The following KLF12 variants were observed in gnomAD, a reference collection of about 807,000 sequenced individuals.
The protein encoded by KLF12 is KLF transcription factor 12.
A neutral mutation model predicts 37.8 loss-of-function variants in KLF12; 9 were observed. The observed-to-expected ratio is 0.24, with a 90% CI of 0.14 to 0.42. KLF12 has a LOEUF of 0.42. Among genes scored for constraint, KLF12 ranks in the 10% least tolerant of loss-of-function variants. The probability of loss-of-function intolerance (pLI) is 1.00; values close to 1 mark genes in which losing one functional copy is unlikely to be tolerated. For missense variants in KLF12, 411 were observed against 516.0 expected (o/e 0.80, Z 1.97); for synonymous variants, 208 against 202.1 (o/e 1.03, Z -0.25).
intron 2 of KLF12, among the ~76,000 whole-genome samples, chr13:73,988,199 T>C (rs1403514309): frequency 6.6e-6 from 1 of 152,238 alleles, no homozygotes; most frequent in Non-Finnish European, 1.5e-5. Context: ...CCCTTTTGCA[T>C]TTGCTAAGAA....
the KLF12 span, among the ~76,000 whole-genome samples, chr13:74,168,825 G>T: frequency 6.6e-6 from 1 of 152,208 alleles, no homozygotes; most frequent in African/African-American, 2.4e-5. Flanking sequence ...AAGATACTTA[G>T]AAGATAATCG....
intron 1 of KLF12, among the ~76,000 whole-genome samples, chr13:74,059,441 C>T (rs7317579): frequency 0.017 from 2,570 of 152,306 alleles, 72 homozygotes; most frequent in African/African-American, 0.058. Context: ...ACACCAACAA[C>T]TGTTGTTTCT....
At chr13:73,951,878 CAG>C (rs928881311) in intron 2 of KLF12, among the ~76,000 whole-genome samples, 2 of 152,322 alleles carry the variant, frequency 1.3e-5, no homozygotes, top group Non-Finnish European at 2.9e-5. Flanking sequence ...TCCAGGAGGA[CAG>C]AGAGTTCTCT....
the KLF12 span, among the ~76,000 whole-genome samples, chr13:74,305,778 C>T: frequency 6.6e-6 from 1 of 151,920 alleles, no homozygotes; most frequent in Non-Finnish European, 1.5e-5. Flanking sequence ...TGATAAATTG[C>T]TGGGGAGTAA....
chr13:73,888,870 G>T (rs1447559423), intron 3 of KLF12, among the ~76,000 whole-genome samples: 1 of 152,136 alleles, frequency 6.6e-6, no homozygotes, highest in Non-Finnish European at 1.5e-5. Flanking sequence ...AGGCTCCACT[G>T]CATTTGGGAA....
the KLF12 span, among the ~76,000 whole-genome samples, chr13:74,193,536 C>A: frequency 3.9e-5 from 6 of 152,154 alleles, no homozygotes; most frequent in African/African-American, 1.4e-4. Flanking sequence ...CTGGTTACTG[C>A]CAAAGTTACT....
chr13:74,001,106 A>T (rs1261701438), intron 1 of KLF12, among the ~76,000 whole-genome samples: 4 of 152,234 alleles, frequency 2.6e-5, no homozygotes, highest in African/African-American at 9.6e-5. Context: ...GCATTCTGCC[A>T]AAAGTAACTT....
At chr13:74,163,766 A>T in the KLF12 span, among the ~76,000 whole-genome samples, 1 of 152,106 alleles carries the variant, frequency 6.6e-6, no homozygotes, top group Non-Finnish European at 1.5e-5. Context: ...ACTTGAGGGG[A>T]TGTGGATACC....
intron 3 of KLF12, among the ~76,000 whole-genome samples, chr13:73,917,878 T>C (rs1258541143): frequency 6.6e-6 from 1 of 152,014 alleles, no homozygotes; most frequent in Non-Finnish European, 1.5e-5. Context: ...AAGTAAAAAA[T>C]TCTAAACAAA....
chr13:74,180,696 G>A, the KLF12 span, among the ~76,000 whole-genome samples: 1 of 152,242 alleles, frequency 6.6e-6, no homozygotes, highest in East Asian at 1.9e-4. Flanking sequence ...ATTGAGAATG[G>A]GTATTGCTGT....
In KLF12 at chr13:73,967,585, CAT is replaced by C. The variant is rs369079219; in HGVS notation, c.34-23517_34-23516del. Among the ~76,000 whole-genome samples, 857 of 152,266 alleles carry C rather than the reference CAT, an allele frequency of 5.6e-3. 7 individuals are homozygous for C. Among genetic ancestry groups the C allele is most frequent in the East Asian group, 0.032 (165 of 5,174 alleles). ...AAGGTGTATTATTCTTGGTACCAAACATGTGTCATTTTTACAAAACAGTCATC... is the reference window on the plus strand; with the variant it reads ...AAGGTGTATTATTCTTGGTACCAAACGTGTCATTTTTACAAAACAGTCATC... On this transcript the variant is annotated intron_variant, in intron 2 of 7. Transcript: ENST00000377669.
At chr13:73,942,888 CCA>C (rs1165044765) in intron 3 of KLF12, among the ~76,000 whole-genome samples, 3 of 152,128 alleles carry the variant, frequency 2.0e-5, no homozygotes, top group Non-Finnish European at 4.4e-5. Flanking sequence ...TATTGAGATG[CCA>C]CACAGCCTGC....
the KLF12 span, among the ~76,000 whole-genome samples, chr13:74,197,415 T>A: frequency 4.6e-5 from 7 of 151,790 alleles, no homozygotes; most frequent in Admixed American, 4.6e-4. Flanking sequence ...ATTTCAAGAG[T>A]GTGTAAGGAT....
chr13:74,303,528 C>T, the KLF12 span, among the ~76,000 whole-genome samples: 1 of 152,058 alleles, frequency 6.6e-6, no homozygotes, highest in East Asian at 1.9e-4. Flanking sequence ...CGAGCTCAGA[C>T]CATTTCTGTT....
At chr13:73,957,015 AG>A (rs1890859410) in intron 2 of KLF12, among the ~76,000 whole-genome samples, 1 of 87,442 alleles carries the variant, frequency 1.1e-5, no homozygotes, top group Admixed American at 1.4e-4. Context: ...GGAAAGGAAA[AG>A]AAAGGAAAGG....
intron 3 of KLF12, among the ~76,000 whole-genome samples, chr13:73,869,758 G>A (rs1886377153): frequency 6.6e-6 from 1 of 152,070 alleles, no homozygotes; most frequent in Non-Finnish European, 1.5e-5. Context: ...AAATCAGATG[G>A]TCTCTGATCA....
chr13:73,778,925 G>C (rs189599661), intron 5 of KLF12, among the ~76,000 whole-genome samples: 1 of 152,292 alleles, frequency 6.6e-6, no homozygotes, highest in Admixed American at 6.5e-5. Context: ...ATGACAGAAT[G>C]TGTGGCAAAT....
intron 3 of KLF12, among the ~76,000 whole-genome samples, chr13:73,867,405 C>CAT (rs1555317142): frequency 6.7e-6 from 1 of 150,206 alleles, no homozygotes; most frequent in Admixed American, 6.6e-5. Flanking sequence ...TACATATATA[C>CAT]GTGTGTGTGT....
chr13:73,879,684 G>A (rs1886886375), intron 3 of KLF12, among the ~76,000 whole-genome samples: 1 of 152,200 alleles, frequency 6.6e-6, no homozygotes, highest in Non-Finnish European at 1.5e-5. Flanking sequence ...ACTCAAAGCA[G>A]TAGAGGGCCT....
Sources: gnomAD v4.1 joint callset for allele counts (sites outside exome capture counted in the v4.1 genomes callset) on GRCh38, gnomAD v4.1.1 for gene constraint, MANE v1.5 for transcripts, NCBI Gene and HGNC (gene_info 2026-07-23, HGNC 2026-07-21) for gene names.